MAN2A2: variants seen among roughly 807,000 people sequenced by gnomAD.
MAN2A2 encodes the protein mannosidase alpha class 2A member 2, also known as alpha-mannosidase 2x.
Under a neutral mutation model 126.8 loss-of-function variants are expected in MAN2A2, and 79 were observed. The ratio of observed to expected loss-of-function variants is 0.62; its 90% CI spans 0.52 to 0.75. The LOEUF (loss-of-function observed/expected upper bound fraction) is 0.75, where lower values mean the gene tolerates loss of function less well. Ranked by LOEUF, MAN2A2 falls within the 30% of genes least tolerant of loss-of-function variation. MAN2A2 has a pLI of 0.00. For missense variants in MAN2A2, 1,392 were observed against 1,522.4 expected, an observed-to-expected ratio of 0.91 and a Z score of 1.43; for synonymous variants, 671 against 618.7, an observed-to-expected ratio of 1.08 and a Z score of -1.25.
chr15:90,918,701 C>G lies in MAN2A2; in HGVS notation c.3246C>G (p.Asp1082Glu). 6.6e-7 allele frequency: 1 copy of G among 1,521,858 alleles called. No individual in the cohort carries two copies. Among genetic ancestry groups the G allele is most frequent in the Non-Finnish European group, 9.1e-7 (1 of 1,096,402 alleles). 94.3% of individuals were successfully genotyped at this position (1,521,858 alleles called of 1,614,324 possible). Residue 1082 changes from aspartate to glutamate, a missense_variant, in exon 22 of 23, where the codon GAC becomes GAG. By Grantham distance (45) the Asp-to-Glu change is conservative (BLOSUM62 2). Transcript: ENST00000559717. ...TCATCTTACACCGCAAGGGTTTTGACTGCGGCCTGGAGGCCAAGAACTTGG... is the reference window on the plus strand; with the variant it reads ...TCATCTTACACCGCAAGGGTTTTGAGTGCGGCCTGGAGGCCAAGAACTTGG... ...TALILHRKGFDCGLEAKNLGF... is the reference protein window; with the variant it reads ...TALILHRKGFECGLEAKNLGF...
At chr15:90,916,728 C>T in intron 20 of MAN2A2, 1 of 1,148,848 alleles carries the variant, frequency 8.7e-7, no homozygotes, top group Non-Finnish European at 1.2e-6. Flanking sequence ...GCCCAGGTGA[C>T]AGAGCCCGCC....
In MAN2A2 at chr15:90,909,315, T is replaced by C; in HGVS notation, c.1197-12T>C. ...ACTTCGTGGTGGGCCCATGTTTTTT[T>C]TCCTGCCCCAGGGCAGCCCTGCTTC... is the stretch of plus-strand genomic sequence containing the variant. On this transcript the variant is annotated splice_polypyrimidine_tract_variant and intron_variant, in intron 8 of 22. Coordinates refer to ENST00000559717, the MANE Select transcript of MAN2A2 (RefSeq NM_006122.4). 3.1e-6 allele frequency: 5 copies of C among 1,596,602 alleles called. No homozygotes were observed. Among genetic ancestry groups the C allele is most frequent in the Non-Finnish European group, 4.3e-6 (5 of 1,167,996 alleles).
At position 90,905,727 on chromosome 15, in the gene MAN2A2, A is replaced by AGG. The variant is rs763490096; in HGVS notation, c.535+6_535+7dup. ...CCCCACTCTCACAATGACCCAGGTG[A>AGG]GGGCCCTGCAGACTCCTGGGAGCTG... On this transcript the variant is annotated splice_donor_region_variant and intron_variant, in intron 4 of 22. Coordinates refer to ENST00000559717, the MANE Select transcript of MAN2A2 (RefSeq NM_006122.4). The AGG allele has an allele frequency of 1.2e-6, 2 of 1,613,724 alleles. No individual in the cohort carries two copies. Among genetic ancestry groups the AGG allele is most frequent in the Non-Finnish European group, 8.5e-7 (1 of 1,179,848 alleles).
Position 90,910,256 on chromosome 15 carries a change from A to G in MAN2A2, c.1541A>G (p.Tyr514Cys). ...GGCTATTACACTTCCCGGCCCTTCT[A>G]CAAGAGCTTAGACCGAGTCCTGGAA... ...WTGYYTSRPF[Y>C]KSLDRVLEAH... Residue 514 changes from tyrosine (Y) to cysteine (C), a missense_variant, in exon 10 of 23, where the codon TAC becomes TGC. Transcript: ENST00000559717. 6.2e-7 allele frequency: 1 copy of G among 1,614,178 alleles called. No individual in the cohort carries two copies. The highest frequency in any genetic ancestry group is 8.5e-7 in the Non-Finnish European group (1 of 1,180,038).
At chr15:90,910,327 G>C in intron 10 of MAN2A2, 35 bp downstream of exon 10, 1 of 1,610,424 alleles carries the variant, frequency 6.2e-7, no homozygotes, top group Non-Finnish European at 8.5e-7. Context: ...GCTGGAGGGG[G>C]AGAGTCAGCC....
intron 8 of MAN2A2, 63 bp downstream of exon 8, chr15:90,907,558 G>A (rs1323319600): frequency 7.3e-6 from 11 of 1,505,518 alleles, no homozygotes; most frequent in Admixed American, 1.8e-5. Context: ...GGTCTGGGCC[G>A]TGCCACGTGG....
At chr15:90,906,530 C>A (rs12591833) in intron 6 of MAN2A2, 33 bp downstream of exon 6, 2 of 1,613,904 alleles carry the variant, frequency 1.2e-6, no homozygotes, top group South Asian at 1.1e-5. Context: ...GGGTCTGCCC[C>A]CTGGGCTGTA....
Position 90,904,225 on chromosome 15 carries a change from G to C in MAN2A2, c.18G>C (p.Gln6His). 1 of 1,614,208 alleles carries C rather than the reference G, an allele frequency of 6.2e-7. No homozygotes were observed. Among genetic ancestry groups the C allele is most frequent in the South Asian group, 1.1e-5 (1 of 91,086 alleles). The change falls in exon 2 of 23, where the codon CAG (glutamine) becomes CAC (histidine). Residue 6 changes from glutamine to histidine, a missense_variant. Transcript: ENST00000559717. MKLKK[Q>H]VTVCGAAIFC... ...AGGCCAGTATGAAGCTGAAAAAGCA[G>C]GTGACAGTGTGTGGGGCTGCCATCT... is the stretch of plus-strand genomic sequence containing the variant.
Position 90,910,095 on chromosome 15 carries a change from G to C in MAN2A2, c.1380G>C (p.Gln460His). 1 of 1,611,606 alleles carries C rather than the reference G, an allele frequency of 6.2e-7. No homozygotes were observed. Among genetic ancestry groups the C allele is most frequent in the Non-Finnish European group, 8.5e-7 (1 of 1,178,728 alleles). ...NSRPNLHVQA[Q>H]FGTLSDYFDA... ...GGTTTTTGGGGTTCCCACAGGCCCA[G>C]TTTGGCACTCTTTCTGACTATTTTG... The change falls in exon 10 of 23, where the codon CAG (glutamine) becomes CAC (histidine). Residue 460 changes from glutamine to histidine, a missense_variant. Transcript: ENST00000559717.
Position 90,904,283 on chromosome 15 carries a change from C to G in MAN2A2, c.76C>G (p.Leu26Val). 6.2e-7 allele frequency: 1 copy of G among 1,614,184 alleles called. No individual in the cohort carries two copies. Among genetic ancestry groups the G allele is most frequent in the Non-Finnish European group, 8.5e-7 (1 of 1,180,046 alleles). The change falls in exon 2 of 23, where the codon CTG becomes GTG. Residue 26 changes from leucine (L) to valine (V), a missense_variant. By Grantham distance (32) the Leu-to-Val change is conservative (BLOSUM62 1). Transcript: ENST00000559717. ...CVAVFSLYLM[L>V]DRVQHDPTRH... ...GGCAGTCTTCTCGCTCTACCTCATGCTGGACCGAGTGCAACACGATCCCAC... is the reference window on the plus strand; with the variant it reads ...GGCAGTCTTCTCGCTCTACCTCATGGTGGACCGAGTGCAACACGATCCCAC...
chr15:90,905,374 C>G lies in MAN2A2; in HGVS notation c.256C>G (p.Pro86Ala). ...LELTANAEGP[P>A]AMLPYYTVNG... is the part of the protein sequence containing the mutation. ...GCTGACAGCCAACGCAGAGGGCCCG[C>G]CCGCCATGCTGCCCTACTACACGGT... The change falls in exon 3 of 23, where the codon CCC (proline) becomes GCC (alanine). Residue 86 changes from proline to alanine, a missense_variant. By Grantham distance (27) the Pro-to-Ala change is conservative. Coordinates refer to ENST00000559717, the MANE Select transcript of MAN2A2 (RefSeq NM_006122.4). 6.2e-7 allele frequency: 1 copy of G among 1,613,978 alleles called. No homozygotes were observed. The highest frequency in any genetic ancestry group is 8.5e-7 in the Non-Finnish European group (1 of 1,180,048).
At chr15:90,908,995 G>A (rs559859128) in intron 8 of MAN2A2, among the ~76,000 whole-genome samples, 38 of 152,280 alleles carry the variant, frequency 2.5e-4, no homozygotes, top group African/African-American at 9.1e-4. Flanking sequence ...TAGTACTTGT[G>A]GAGCTGGTGT....
rs2034705831 is a variant in MAN2A2, at chr15:90,911,210, A to G, written c.1915A>G (p.Thr639Ala). Residue 639 changes from threonine to alanine, a missense_variant, in exon 13 of 23, where the codon ACG becomes GCG. Physicochemically the swap from Thr to Ala is moderately conservative, Grantham distance 58 (BLOSUM62 0). Transcript: ENST00000559717. ...RLSHDALPER[T>A]VIQLDSSPRF... ...AAGTCACGACGCCCTCCCAGAGCGC[A>G]CGGTGATCCAGCTGGATTCCTCGCC... The G allele has an allele frequency of 6.2e-7, 1 of 1,613,954 alleles. No individual in the cohort carries two copies. Among genetic ancestry groups the G allele is most frequent in the African/African-American group, 1.3e-5 (1 of 74,904 alleles).
chr15:90,910,308 C>G lies in MAN2A2; in HGVS notation c.1577+16C>G, dbSNP rs200302312. ...CCCACCTGCGGTGAGACCCTGTCCC[C>G]GCTTCCAGGCTGGAGGGGGAGAGTC... is the stretch of plus-strand genomic sequence containing the variant. On this transcript the variant is annotated intron_variant, in intron 10 of 22. Coordinates refer to ENST00000559717, the MANE Select transcript of MAN2A2 (RefSeq NM_006122.4). 1 of 1,613,084 alleles carries G rather than the reference C, an allele frequency of 6.2e-7. No homozygotes were observed. The highest frequency in any genetic ancestry group is 1.3e-5 in the African/African-American group (1 of 74,888).
chr15:90,917,928 G>A, intron 20 of MAN2A2: 1 of 446,100 alleles, frequency 2.2e-6, no homozygotes, highest in East Asian at 3.9e-5. Context: ...GGAGTGGGTT[G>A]CTCATGATAG....
chr15:90,913,454 A>G (rs1274442053), intron 18 of MAN2A2, 48 bp downstream of exon 18: 2 of 1,575,928 alleles, frequency 1.3e-6, no homozygotes, highest in East Asian at 4.5e-5. Context: ...TAGAACTTGG[A>G]CTCTGCTTTT....
In MAN2A2 at chr15:90,912,548, C is replaced by T. The variant is rs779123747; in HGVS notation, c.2353C>T (p.Arg785Ter). 7.4e-6 allele frequency: 12 copies of T among 1,613,542 alleles called. No individual in the cohort carries two copies. The highest frequency in any genetic ancestry group is 4.5e-5 in the East Asian group (2 of 44,876). ...GGGCTGTGTTTTTTGGCAGAGCATC[C>T]GAAGGGTGGATGAGGAGCACGAGCA... ...SGLTGLLKSI[R>*]RVDEEHEQQV... Residue 785 changes from arginine (R) to a stop codon, truncating the protein, a stop_gained, in exon 16 of 23, where the codon CGA becomes TGA. Coordinates refer to ENST00000559717, the MANE Select transcript of MAN2A2 (RefSeq NM_006122.4). LOFTEE classifies it high-confidence loss of function.
rs1355272365 is a variant in MAN2A2, at chr15:90,905,907, G to T, written c.598G>T (p.Val200Leu). The T allele has an allele frequency of 1.2e-6, 2 of 1,606,636 alleles. No individual in the cohort carries two copies. The highest frequency in any genetic ancestry group is 1.3e-5 in the African/African-American group (1 of 74,830). ...GACCCAACACATCCTCAATAGCATG[G>T]TGTCTAAGCTGCAGGAGGACCCCCG... is the stretch of plus-strand genomic sequence containing the variant. ...EQTQHILNSM[V>L]SKLQEDPRRR... The change falls in exon 5 of 23, where the codon GTG (valine) becomes TTG (leucine). Residue 200 changes from valine (V) to leucine (L), a missense_variant. Coordinates refer to ENST00000559717, the MANE Select transcript of MAN2A2 (RefSeq NM_006122.4).
chr15:90,908,573 T>A (rs891159056), intron 8 of MAN2A2, among the ~76,000 whole-genome samples: 9 of 144,914 alleles, frequency 6.2e-5, no homozygotes, highest in Admixed American at 3.7e-4. Context: ...TTATTTTATT[T>A]ATTTAATTTA....
Sources: allele counts gnomAD v4.1 joint callset (sites outside exome capture counted in the v4.1 genomes callset), GRCh38; gene constraint gnomAD v4.1.1; transcripts MANE v1.5; gene names NCBI Gene and HGNC (gene_info 2026-07-23, HGNC 2026-07-21).